The following EGFLAM variants were observed in gnomAD, a reference collection of about 807,000 sequenced individuals.
EGFLAM encodes EGF like, fibronectin type III and laminin G domains, also known as pikachurin.
In EGFLAM, 79 loss-of-function variants were observed where a neutral mutation model predicts 113.1. That is an observed-to-expected ratio of 0.70 (90% CI 0.58 to 0.84). EGFLAM has a LOEUF of 0.84. EGFLAM is among the 40% of genes least tolerant of loss of function. EGFLAM has a pLI of 0.00. For missense variants in EGFLAM, 1,265 were observed against 1,291.6 expected (o/e 0.98, Z 0.32); for synonymous variants, 504 against 487.6 (o/e 1.03, Z -0.44).
At position 38,376,283 on chromosome 5, in the gene EGFLAM, A is replaced by G. The variant is rs73075433; in HGVS notation, c.712+5821A>G. Among the ~76,000 whole-genome samples the G allele has an allele frequency of 9.0e-3, 1,368 of 152,346 alleles. 29 individuals carry two copies. Among genetic ancestry groups the G allele is most frequent in the African/African-American group, 0.032 (1,326 of 41,586 alleles). ...AATGGTAAATAATAGAAATGGCAGA[A>G]GTAAAAAAGTCACTTGCCTTTCTTC... is the stretch of plus-strand genomic sequence containing the variant. On this transcript the variant is annotated intron_variant, in intron 6 of 21. Transcript: ENST00000322350.
At chr5:38,394,715 T>TC (rs2112095702) in intron 6 of EGFLAM, among the ~76,000 whole-genome samples, 1 of 146,598 alleles carries the variant, frequency 6.8e-6, no homozygotes, top group Non-Finnish European at 1.5e-5. Flanking sequence ...GGCCCACTTT[T>TC]TTTTTTTTTT....
chr5:38,349,984 CACAG>C (rs1189765102), intron 3 of EGFLAM, among the ~76,000 whole-genome samples: 98 of 139,636 alleles, frequency 7.0e-4, no homozygotes, highest in South Asian at 6.4e-3. Flanking sequence ...CACACACACA[CACAG>C]ACAGACACAC....
intron 2 of EGFLAM, 73 bp from the exon 3 acceptor site, chr5:38,338,625 G>A: frequency 1.4e-6 from 2 of 1,396,508 alleles, no homozygotes; most frequent in Non-Finnish European, 2.0e-6. Flanking sequence ...CTGCCACTGT[G>A]AGTGCAATTA....
chr5:38,264,437 G>A (rs1232292704), intron 1 of EGFLAM, among the ~76,000 whole-genome samples: 2 of 152,204 alleles, frequency 1.3e-5, no homozygotes, highest in African/African-American at 4.8e-5. Flanking sequence ...AAGGCTGGAA[G>A]AGAAGGGTTA....
At chr5:38,365,517 A>T (rs1740036429) in intron 5 of EGFLAM, among the ~76,000 whole-genome samples, 1 of 152,194 alleles carries the variant, frequency 6.6e-6, no homozygotes. Context: ...GAAATTGTAG[A>T]ATTGGAAATG....
intron 1 of EGFLAM, among the ~76,000 whole-genome samples, chr5:38,303,447 A>T (rs527998477): frequency 2.0e-5 from 3 of 152,290 alleles, no homozygotes; most frequent in African/African-American, 7.2e-5. Flanking sequence ...GTTAACAAAG[A>T]GTCTATAAAA....
chr5:38,403,012 A>C (rs577486842), intron 6 of EGFLAM, among the ~76,000 whole-genome samples: 9 of 152,352 alleles, frequency 5.9e-5, no homozygotes, highest in Non-Finnish European at 1.2e-4. Flanking sequence ...CTGAAGACAA[A>C]AGCCAGCTTG....
chr5:38,459,308 T>C, intron 20 of EGFLAM, among the ~76,000 whole-genome samples: 1 of 123,350 alleles, frequency 8.1e-6, no homozygotes, highest in East Asian at 2.0e-4. Context: ...CCTGGCCACT[T>C]TTTTTTTTTT....
chr5:38,349,581 G>T (rs1321716388), intron 3 of EGFLAM, among the ~76,000 whole-genome samples: 1 of 152,108 alleles, frequency 6.6e-6, no homozygotes, highest in Non-Finnish European at 1.5e-5. Flanking sequence ...GCCCAGGGCT[G>T]GTTGACTACA....
At chr5:38,321,358 C>T (rs1325853349) in intron 1 of EGFLAM, among the ~76,000 whole-genome samples, 4 of 152,116 alleles carry the variant, frequency 2.6e-5, no homozygotes, top group Non-Finnish European at 4.4e-5. Context: ...TAAATACAGA[C>T]GAAGCTTGGC....
At chr5:38,274,916 A>C (rs13161170) in intron 1 of EGFLAM, among the ~76,000 whole-genome samples, 1 of 151,974 alleles carries the variant, frequency 6.6e-6, no homozygotes, top group African/African-American at 2.4e-5. Context: ...TATGAAACAT[A>C]AAAATGTAAA....
chr5:38,430,058 A>G (rs1742141000), intron 14 of EGFLAM: 1 of 227,236 alleles, frequency 4.4e-6, no homozygotes, highest in South Asian at 7.1e-5. Context: ...TGTAGGGGCA[A>G]TCTGACGTGC....
At chr5:38,366,996 A>G (rs2112026553) in intron 5 of EGFLAM, among the ~76,000 whole-genome samples, 1 of 152,278 alleles carries the variant, frequency 6.6e-6, no homozygotes, top group African/African-American at 2.4e-5. Context: ...TGCTGGCCGC[A>G]TTCTCTATTC....
chr5:38,268,072 G>T (rs1225805553), intron 1 of EGFLAM, among the ~76,000 whole-genome samples: 1 of 152,116 alleles, frequency 6.6e-6, no homozygotes, highest in African/African-American at 2.4e-5. Context: ...AGACTCATTT[G>T]CCTGGCCCCA....
intron 6 of EGFLAM, among the ~76,000 whole-genome samples, chr5:38,375,471 A>G (rs1218572028): frequency 2.6e-5 from 4 of 152,138 alleles, no homozygotes; most frequent in Non-Finnish European, 4.4e-5. Context: ...CCTTGAGGCT[A>G]AGTGCCCAGT....
intron 1 of EGFLAM, among the ~76,000 whole-genome samples, chr5:38,335,493 T>A (rs1739160184): frequency 6.6e-6 from 1 of 152,166 alleles, no homozygotes; most frequent in Non-Finnish European, 1.5e-5. Flanking sequence ...CCAGAACTCG[T>A]CTCATCCTGT....
chr5:38,408,219 GATTGAGAAGAA>G, intron 9 of EGFLAM, among the ~76,000 whole-genome samples: 1 of 152,286 alleles, frequency 6.6e-6, no homozygotes, highest in East Asian at 1.9e-4. Flanking sequence ...CCCAGGCCAG[GATTGAGAAGAA>G]ACAATGCATT....
chr5:38,390,247 C>T (rs757880951), intron 6 of EGFLAM, among the ~76,000 whole-genome samples: 2 of 152,092 alleles, frequency 1.3e-5, no homozygotes, highest in Non-Finnish European at 2.9e-5. Context: ...AATGTTTTAG[C>T]ATTTTTTATA....
intron 6 of EGFLAM, among the ~76,000 whole-genome samples, chr5:38,389,195 A>G (rs1312688832): frequency 1.3e-5 from 2 of 152,150 alleles, no homozygotes; most frequent in Admixed American, 1.3e-4. Flanking sequence ...GACAGAAGGA[A>G]AACCCTTAGA....
Sources: gnomAD v4.1 joint callset for allele counts (sites outside exome capture counted in the v4.1 genomes callset) on GRCh38, gnomAD v4.1.1 for gene constraint, MANE v1.5 for transcripts, NCBI Gene and HGNC (gene_info 2026-07-23, HGNC 2026-07-21) for gene names.